SNAP47: variants seen among roughly 807,000 people sequenced by gnomAD.
SNAP47 encodes the protein synaptosome associated protein 47, also known as synaptosomal-associated protein 47.
SNAP47 carries 20 observed loss-of-function variants against 31.4 expected under a neutral mutation model. The observed-to-expected ratio is 0.64, with a 90% CI of 0.45 to 0.93. The LOEUF (loss-of-function observed/expected upper bound fraction) is 0.93, where lower values mean the gene tolerates loss of function less well. Among genes scored for constraint, SNAP47 ranks in the 40% least tolerant of loss-of-function variants. The probability of loss-of-function intolerance (pLI) is 0.00; values close to 1 mark genes in which losing one functional copy is unlikely to be tolerated. For synonymous variants in SNAP47, 194 were observed against 213.4 expected (o/e 0.91, Z 0.79); for missense variants, 492 against 528.5 (o/e 0.93, Z 0.68).
chr1:227,750,879 C>G (rs1227452515), intron 2 of SNAP47, among the ~76,000 whole-genome samples: 3 of 152,176 alleles, frequency 2.0e-5, no homozygotes, highest in Non-Finnish European at 4.4e-5. Context: ...GGCATCAGTG[C>G]CAGCGTTGGG....
Position 227,735,495 on chromosome 1 carries a change from C to G in SNAP47, c.-50C>G, listed in dbSNP as rs572949268. 1 of 1,409,012 alleles carries G rather than the reference C, an allele frequency of 7.1e-7. No homozygotes were observed. The highest frequency in any genetic ancestry group is 9.2e-7 in the Non-Finnish European group (1 of 1,090,778). The allele number at this position is 1,409,012 out of a possible 1,614,324, so 87.3% of individuals were successfully genotyped here. On this transcript the variant is annotated 5_prime_UTR_variant, in exon 1 of 5. Transcript: ENST00000617596. ...CGGCTCTGGGACTCGTCTGGCGTCCCTCAGGTGAGCGACGGTGTTGGTCTG... is the reference window on the plus strand; with the variant it reads ...CGGCTCTGGGACTCGTCTGGCGTCCGTCAGGTGAGCGACGGTGTTGGTCTG...
At position 227,747,608 on chromosome 1, in the gene SNAP47, G is replaced by A. The variant is rs114721039; in HGVS notation, c.-45-84G>A. On this transcript the variant is annotated intron_variant, in intron 1 of 4. Transcript: ENST00000617596. The stretch of plus-strand genomic sequence containing the variant: ...CTGCAGCCTGTGTGAGCCCAGAGCC[G>A]CAGGGGAGGCAGCATCCTTGTGGGG... The A allele has an allele frequency of 3.7e-3, 5,168 of 1,411,728 alleles. 144 individuals carry two copies. The African/African-American group carries it at 0.065, about 18-fold the overall frequency. The allele number at this position is 1,411,728 out of a possible 1,614,324, so 87.5% of individuals were successfully genotyped here.
chr1:227,762,386 G>T lies in SNAP47; in HGVS notation c.988+2901G>T, dbSNP rs1446449689. On this transcript the variant is annotated intron_variant, in intron 3 of 4. Transcript: ENST00000617596. The surrounding 1 kb of genome is among the most constrained non-coding windows in gnomAD (Gnocchi z 4.2). ...AAGAAGGCGGCGCCCCGTTTGATGG[G>T]AGCTCAGTAGTCTGTGGGGCACTTG... is the stretch of plus-strand genomic sequence containing the variant. 6.6e-6 allele frequency among the ~76,000 whole-genome samples: 1 copy of T among 152,230 alleles called. No individual in the cohort carries two copies. The highest frequency in any genetic ancestry group is 2.4e-5 in the African/African-American group (1 of 41,464).
At chr1:227,732,177 C>T (rs1009207881), upstream of SNAP47, 186 of 607,866 alleles carry the variant, frequency 3.1e-4, 1 homozygote, top group East Asian at 4.3e-3. Context: ...AGCAGGCCTG[C>T]TGCAGGTCAG....
At chr1:227,748,259 A>G (rs751827269) in intron 2 of SNAP47, 26 bp downstream of exon 2, 4 of 1,523,722 alleles carry the variant, frequency 2.6e-6, no homozygotes, top group Non-Finnish European at 3.5e-6. Context: ...ACACTTTGCA[A>G]GGCACACACA....
At chr1:227,735,759 C>T in intron 1 of SNAP47, 10 of 969,404 alleles carry the variant, frequency 1.0e-5, no homozygotes, top group Non-Finnish European at 1.1e-5. Context: ...GCTGGGGGGC[C>T]CTGGGATGGT....
At chr1:227,761,434 G>C (rs1017266014) in intron 3 of SNAP47, among the ~76,000 whole-genome samples, 30 of 152,280 alleles carry the variant, frequency 2.0e-4, no homozygotes, top group African/African-American at 5.8e-4. Flanking sequence ...TTAAAGTCAG[G>C]GGTTGCAAAG....
chr1:227,732,242 G>A, upstream of SNAP47: 2 of 886,168 alleles, frequency 2.3e-6, no homozygotes, highest in Non-Finnish European at 3.5e-6. Flanking sequence ...CCTGAAAACA[G>A]GCACCCAGGC....
intron 1 of SNAP47, among the ~76,000 whole-genome samples, chr1:227,740,599 G>GT (rs1344366578): frequency 6.6e-6 from 1 of 152,178 alleles, no homozygotes; most frequent in African/African-American, 2.4e-5. Context: ...AGATTGCAGT[G>GT]TGTGATGAGT....
Position 227,780,766 on chromosome 1 carries a change from C to T in SNAP47, c.*93C>T. On this transcript the variant is annotated 3_prime_UTR_variant, in exon 5 of 5. Transcript: ENST00000617596. ...TGCCAGGGCTGCAGAGGCCTGTGGC[C>T]CTCCGGAGTGGTCTTCCTCTGGATG... The T allele has an allele frequency of 1.9e-6, 3 of 1,543,756 alleles. No individual in the cohort carries two copies. Among genetic ancestry groups the T allele is most frequent in the South Asian group, 1.2e-5 (1 of 82,128 alleles).
intron 1 of SNAP47, among the ~76,000 whole-genome samples, chr1:227,729,110 A>G (rs550690531): frequency 1.5e-4 from 23 of 152,200 alleles, no homozygotes; most frequent in Non-Finnish European, 2.8e-4. Flanking sequence ...TAGCTTCAGG[A>G]CAGGGTTTGG....
upstream of SNAP47, chr1:227,731,870 A>ATCT: frequency 6.4e-6 from 1 of 156,534 alleles, no homozygotes; most frequent in Non-Finnish European, 1.4e-5. Context: ...CTGGGTACCC[A>ATCT]GAGGAAGGCG....
chr1:227,734,155 A>C, upstream of SNAP47: 5 of 1,145,308 alleles, frequency 4.4e-6, no homozygotes, highest in Non-Finnish European at 6.1e-6. Flanking sequence ...GCAGCCCCCA[A>C]AGAGCCCCAG....
Position 227,775,954 on chromosome 1 carries a change from A to G in SNAP47, c.1114-4573A>G, listed in dbSNP as rs1031798511. On this transcript the variant is annotated intron_variant, in intron 4 of 4. Coordinates refer to ENST00000617596, the MANE Select transcript of SNAP47 (RefSeq NM_053052.4). ...GCATGAGGGAGCCGGCCAGGCCCACAGCGCCCAGGGCATCCTCCTCACGGA... is the reference window on the plus strand; with the variant it reads ...GCATGAGGGAGCCGGCCAGGCCCACGGCGCCCAGGGCATCCTCCTCACGGA... 64 of 1,290,446 alleles carry G rather than the reference A, an allele frequency of 5.0e-5. No homozygotes were observed. In the Middle Eastern group the frequency reaches 1.6e-3, roughly 32 times the overall value. 79.9% of individuals were successfully genotyped at this position (1,290,446 alleles called of 1,614,324 possible).
intron 4 of SNAP47, among the ~76,000 whole-genome samples, chr1:227,773,457 C>A (rs183200275): frequency 5.7e-4 from 86 of 152,206 alleles, no homozygotes; most frequent in African/African-American, 2.0e-3. Flanking sequence ...GAAGCTAAGG[C>A]TCACCTGTTA....
chr1:227,728,348 C>CG (rs529382742), upstream of SNAP47, among the ~76,000 whole-genome samples: 898 of 149,948 alleles, frequency 6.0e-3, 21 homozygotes, highest in East Asian at 0.039. Context: ...GCCACCGGAG[C>CG]GGGGGGGGCG....
At chr1:227,735,039 C>T (rs752849935), upstream of SNAP47, 12 of 1,551,050 alleles carry the variant, frequency 7.7e-6, no homozygotes, top group Non-Finnish European at 9.6e-6. Flanking sequence ...TGGTCGAAGT[C>T]GGGCCTCCCC....
upstream of SNAP47, chr1:227,734,523 C>T (rs1660928747): frequency 1.4e-5 from 11 of 806,212 alleles, no homozygotes; most frequent in South Asian, 1.9e-4. Flanking sequence ...TTCTTTTAAA[C>T]TGATTAAAGT....
At chr1:227,769,378 G>A (rs1663645576) in intron 4 of SNAP47, among the ~76,000 whole-genome samples, 1 of 152,144 alleles carries the variant, frequency 6.6e-6, no homozygotes, top group Admixed American at 6.5e-5. Context: ...CTTCCTTGCA[G>A]GAGGAGCCTA....
Sources: gnomAD v4.1 joint callset for allele counts (sites outside exome capture counted in the v4.1 genomes callset) on GRCh38, gnomAD v4.1.1 for gene constraint, Gnocchi (gnomAD v3.1) non-coding constraint, MANE v1.5 for transcripts, NCBI Gene and HGNC (gene_info 2026-07-23, HGNC 2026-07-21) for gene names.